SLC4A7: variants seen among roughly 807,000 people sequenced by gnomAD.
SLC4A7 encodes sodium bicarbonate cotransporter 3.
In SLC4A7, 51 loss-of-function variants were observed where a neutral mutation model predicts 137.6. The ratio of observed to expected loss-of-function variants is 0.37; its 90% confidence interval spans 0.30 to 0.47. The LOEUF (loss-of-function observed/expected upper bound fraction) is 0.47, where lower values mean the gene tolerates loss of function less well. Ranked by LOEUF, SLC4A7 falls within the 20% of genes least tolerant of loss-of-function variation. The pLI is 1.00. For synonymous variants in SLC4A7, 542 were observed against 518.6 expected (o/e 1.05, Z -0.61); for missense variants, 1,247 against 1,525.4 (o/e 0.82, Z 3.04).
chr3:27,436,927 G>A (rs1157973056), intron 4 of SLC4A7, among the ~76,000 whole-genome samples: 1 of 152,070 alleles, frequency 6.6e-6, no homozygotes, highest in Non-Finnish European at 1.5e-5. Flanking sequence ...AGAATAAAGA[G>A]AAAAATTAAA....
intron 5 of SLC4A7, 91 bp from the exon 6 acceptor site, chr3:27,434,195 G>A: frequency 1.2e-6 from 1 of 853,982 alleles, no homozygotes; most frequent in Non-Finnish European, 1.7e-6. Context: ...ACAAAAATTA[G>A]AACCTTAAAT....
intron 24 of SLC4A7, among the ~76,000 whole-genome samples, chr3:27,381,407 A>G (rs1576063933): frequency 1.3e-5 from 2 of 152,222 alleles, no homozygotes; most frequent in African/African-American, 4.8e-5. Context: ...AAGCTAATAT[A>G]TTAAATCTTT....
intron 1 of SLC4A7, chr3:27,456,625 A>C (rs750298749): frequency 7.6e-6 from 11 of 1,451,140 alleles, no homozygotes; most frequent in Non-Finnish European, 1.9e-6. Context: ...TGTAAATAAA[A>C]GACAAGATCA....
chr3:27,404,799 CAT>C (rs906116426), intron 14 of SLC4A7, 29 bp downstream of exon 14: 1 of 1,506,474 alleles, frequency 6.6e-7, no homozygotes. Flanking sequence ...ATATATAACA[CAT>C]GTGATAAGTA....
intron 13 of SLC4A7, among the ~76,000 whole-genome samples, chr3:27,405,932 T>C (rs73821999): frequency 0.032 from 4,832 of 152,236 alleles, 260 homozygotes; most frequent in African/African-American, 0.11. Flanking sequence ...ATCAGATGAT[T>C]AGCTATGCCA....
In SLC4A7 at chr3:27,376,640, T is replaced by A; in HGVS notation, c.*124A>T. ...GGTGCTCATTACAAACTCCAGACAC[T>A]ACTTTTAAAAACCCGGTAGTCACAC... On this transcript the variant is annotated 3_prime_UTR_variant, in exon 26 of 26. Transcript: ENST00000454389. 3.6e-6 allele frequency: 2 copies of A among 560,070 alleles called. No homozygotes were observed. The highest frequency in any genetic ancestry group is 6.7e-5 in the East Asian group (2 of 30,008). The allele number at this position is 560,070 out of a possible 1,614,324, so 34.7% of individuals were successfully genotyped here. A position where few individuals can be genotyped will look rare whatever the true frequency, so the allele number is the denominator to read the frequency against.
chr3:27,406,720 A>G (rs2053398514), intron 13 of SLC4A7, among the ~76,000 whole-genome samples: 1 of 152,138 alleles, frequency 6.6e-6, no homozygotes, highest in South Asian at 2.1e-4. Flanking sequence ...TTTTGAGCCC[A>G]GGAGTTCAAG....
Position 27,484,355 on chromosome 3 carries a change from G to T in SLC4A7, c.-229C>A, listed in dbSNP as rs2059852800. 1 of 337,186 alleles carries T rather than the reference G, an allele frequency of 3.0e-6. No homozygotes were observed. The highest frequency in any genetic ancestry group is 2.2e-5 in the African/African-American group (1 of 46,484). The allele number at this position is 337,186 out of a possible 1,614,324, so 20.9% of individuals were successfully genotyped here. A position where few individuals can be genotyped will look rare whatever the true frequency, so the allele number is the denominator to read the frequency against. On this transcript the variant is annotated 5_prime_UTR_variant, in exon 1 of 26. Coordinates refer to ENST00000454389, the MANE Select transcript of SLC4A7 (RefSeq NM_001321103.2). ...TGGGCTGGCTTTAGTAGGAGAGCGA[G>T]GCCGCGGCGTGGAACCTGAAGCTAG... is the stretch of plus-strand genomic sequence containing the variant.
At position 27,437,532 on chromosome 3, in the gene SLC4A7, C is replaced by T. The variant is rs1462655384; in HGVS notation, c.290-6G>A. On this transcript the variant is annotated splice_region_variant and splice_polypyrimidine_tract_variant and intron_variant, in intron 3 of 25. Transcript: ENST00000454389. Reference sequence around the variant, plus strand: ...AACTCTCTGGGATGGTGTATCTTTACAAAATAAGAATTTACATATACTCAA... The same window carrying T: ...AACTCTCTGGGATGGTGTATCTTTATAAAATAAGAATTTACATATACTCAA... 4.6e-6 allele frequency: 7 copies of T among 1,522,522 alleles called. No individual in the cohort carries two copies. The highest frequency in any genetic ancestry group is 5.3e-6 in the Non-Finnish European group (6 of 1,140,324). 94.3% of individuals were successfully genotyped at this position (1,522,522 alleles called of 1,614,324 possible). A position where few individuals can be genotyped will look rare whatever the true frequency, so the allele number is the denominator to read the frequency against.
intron 14 of SLC4A7, 37 bp from the exon 15 acceptor site, chr3:27,403,421 T>C (rs1012153617): frequency 6.2e-6 from 9 of 1,457,132 alleles, no homozygotes; most frequent in Non-Finnish European, 7.5e-6. Flanking sequence ...GATAAACATA[T>C]GTGGAATAGT....
At chr3:27,450,458 A>C (rs978843342) in intron 2 of SLC4A7, among the ~76,000 whole-genome samples, 1 of 152,142 alleles carries the variant, frequency 6.6e-6, no homozygotes, top group Non-Finnish European at 1.5e-5. Flanking sequence ...AAAAGTAATA[A>C]GAAATAAATA....
chr3:27,453,554 G>A (rs1299887608), intron 1 of SLC4A7, among the ~76,000 whole-genome samples: 2 of 152,154 alleles, frequency 1.3e-5, no homozygotes, highest in South Asian at 2.1e-4. Flanking sequence ...CAGAGGTATT[G>A]GTGAGCCAAG....
rs1576248163 is a variant in SLC4A7 at position 27,404,962 on chromosome 3, C to T, written c.1943G>A (p.Ser648Asn). 1 of 1,580,480 alleles carries T rather than the reference C, an allele frequency of 6.3e-7. No individual in the cohort carries two copies. ...LLGEATEGRI[S>N]AIESLFGASL... ...TGCTCCAAAAAGAGACTCTATTGCA[C>T]TCTGTTTAAGGAAAAAAGAAATGAA... The change falls in exon 14 of 26, where the codon AGT becomes AAT. Residue 648 changes from serine (S) to asparagine (N), a missense_variant and splice_region_variant. This residue lies in a region of SLC4A7 where 499 missense variants were observed against 664.2 expected (regional missense o/e 0.75). Coordinates refer to ENST00000454389, the MANE Select transcript of SLC4A7 (RefSeq NM_001321103.2).
intron 1 of SLC4A7, among the ~76,000 whole-genome samples, chr3:27,467,026 TAAACAATTTTAGGA>T (rs2059037923): frequency 6.6e-6 from 1 of 152,184 alleles, no homozygotes. Context: ...AGTCTTACAC[TAAACAATTTTAGGA>T]GCAAGTATTA....
chr3:27,446,885 G>GTTTTTTTTT (rs796773901), intron 3 of SLC4A7, among the ~76,000 whole-genome samples: 7 of 35,788 alleles, frequency 2.0e-4, no homozygotes, highest in Middle Eastern at 0.014. Flanking sequence ...GTTTTTTTTT[G>GTTTTTTTTT]TTTTTTTTGT....
chr3:27,376,731 A>ATATC lies in SLC4A7; in HGVS notation c.*29_*32dup. 8.0e-7 allele frequency: 1 copy of ATATC among 1,243,464 alleles called. No individual in the cohort carries two copies. The highest frequency in any genetic ancestry group is 1.2e-6 in the Non-Finnish European group (1 of 847,768). The allele number at this position is 1,243,464 out of a possible 1,614,324, so 77.0% of individuals were successfully genotyped here. A position where few individuals can be genotyped will look rare whatever the true frequency, so the allele number is the denominator to read the frequency against. ...TGATACGCACACATTACATATGTAT[A>ATATC]TATCTATATGTATAATGCCTCTTGG... is the stretch of plus-strand genomic sequence containing the variant. On this transcript the variant is annotated 3_prime_UTR_variant, in exon 26 of 26. Transcript: ENST00000454389.
intron 1 of SLC4A7, among the ~76,000 whole-genome samples, chr3:27,453,422 T>C (rs1283058851): frequency 2.0e-5 from 3 of 152,298 alleles, no homozygotes; most frequent in Middle Eastern, 3.4e-3. Context: ...GAGACCAGCC[T>C]GACCAACATG....
At chr3:27,443,485 T>C (rs1034933084) in intron 3 of SLC4A7, among the ~76,000 whole-genome samples, 2 of 152,194 alleles carry the variant, frequency 1.3e-5, no homozygotes, top group Non-Finnish European at 2.9e-5. Context: ...GATTGAGGTC[T>C]GCTATTGTTT....
chr3:27,455,116 C>T (rs1034868637), intron 1 of SLC4A7, among the ~76,000 whole-genome samples: 3 of 151,632 alleles, frequency 2.0e-5, no homozygotes, highest in Admixed American at 6.6e-5. Flanking sequence ...TCTGAACTTT[C>T]ATTTTCACTG....
Sources: gnomAD v4.1 joint callset for allele counts (sites outside exome capture counted in the v4.1 genomes callset) on GRCh38, gnomAD v4.1.1 for gene constraint, gnomAD v4.1.1 regional missense constraint, MANE v1.5 for transcripts, NCBI Gene and HGNC (gene_info 2026-07-23, HGNC 2026-07-21) for gene names.